Variants in IQUB observed in about 807,000 individuals in gnomAD.
IQUB encodes the protein IQ motif and ubiquitin domain containing, also known as IQ motif and ubiquitin-like domain-containing protein.
Under a neutral mutation model 86.4 loss-of-function variants are expected in IQUB, and 86 were observed. The observed-to-expected ratio is 1.00, with a 90% CI of 0.84 to 1.19. The LOEUF is 1.19. Among genes scored for constraint, IQUB ranks in the 50% most tolerant of loss-of-function variants. IQUB has a pLI of 0.00. For missense variants in IQUB, 946 were observed against 916.9 expected (o/e 1.03, Z -0.41); for synonymous variants, 289 against 304.5 (o/e 0.95, Z 0.53).
intron 11 of IQUB, 84 bp downstream of exon 11, chr7:123,461,273 C>T: frequency 1.5e-6 from 2 of 1,337,906 alleles, no homozygotes; most frequent in Non-Finnish European, 2.1e-6. Context: ...AACAATCACA[C>T]ACACACACAC....
chr7:123,496,554 T>A (rs965810474), intron 7 of IQUB, 142 bp downstream of exon 7: 2 of 551,882 alleles, frequency 3.6e-6, no homozygotes, highest in Non-Finnish European at 6.3e-6. Flanking sequence ...TAAAGTGGTA[T>A]TCATCTTTCA....
At chr7:123,484,109 A>G (rs962959283) in intron 7 of IQUB, among the ~76,000 whole-genome samples, 1 of 152,064 alleles carries the variant, frequency 6.6e-6, no homozygotes, top group Non-Finnish European at 1.5e-5. Context: ...AACACTTGCC[A>G]GTCATGTTCT....
At chr7:123,527,983 A>G (rs1584663859) in intron 1 of IQUB, among the ~76,000 whole-genome samples, 1 of 152,092 alleles carries the variant, frequency 6.6e-6, no homozygotes, top group African/African-American at 2.4e-5. Context: ...TGGGCGTAGG[A>G]CCCTCCGAGC....
At chr7:123,460,605 G>A (rs775079887) in intron 11 of IQUB, among the ~76,000 whole-genome samples, 4 of 151,884 alleles carry the variant, frequency 2.6e-5, no homozygotes, top group Non-Finnish European at 4.4e-5. Context: ...AGTGGCTAAT[G>A]TTGGGTAGCC....
chr7:123,454,747 G>A (rs531668573), intron 12 of IQUB, among the ~76,000 whole-genome samples: 1 of 152,128 alleles, frequency 6.6e-6, no homozygotes, highest in Non-Finnish European at 1.5e-5. Flanking sequence ...GGTTTGTCCT[G>A]TGTTTTCTTC....
At chr7:123,500,313 T>C (rs1562859723) in intron 6 of IQUB, among the ~76,000 whole-genome samples, 1 of 151,718 alleles carries the variant, frequency 6.6e-6, no homozygotes, top group Admixed American at 6.6e-5. Context: ...TTCTGTAACA[T>C]AACCACTAGA....
At chr7:123,459,957 G>A (rs1028062903) in intron 11 of IQUB, 5 of 151,942 alleles carry the variant, frequency 3.3e-5, no homozygotes, top group Non-Finnish European at 7.4e-5. Context: ...TGATACCAAA[G>A]TTTTCCAAAT....
intron 1 of IQUB, among the ~76,000 whole-genome samples, chr7:123,528,612 G>A (rs959510700): frequency 1.3e-5 from 2 of 152,066 alleles, no homozygotes; most frequent in Admixed American, 6.5e-5. Flanking sequence ...GAACAGAAAA[G>A]GGGTCCTGGT....
At chr7:123,498,627 G>A (rs1218737778) in intron 6 of IQUB, among the ~76,000 whole-genome samples, 4 of 152,194 alleles carry the variant, frequency 2.6e-5, no homozygotes, top group Non-Finnish European at 5.9e-5. Context: ...TAGCAAAGCA[G>A]TTTAGGGCTC....
chr7:123,472,602 A>G (rs1794580287), intron 8 of IQUB, among the ~76,000 whole-genome samples: 1 of 152,244 alleles, frequency 6.6e-6, no homozygotes, highest in African/African-American at 2.4e-5. Flanking sequence ...AGTTAGCCAG[A>G]TTAAAGGGAA....
At chr7:123,527,634 A>G (rs917486023) in intron 1 of IQUB, among the ~76,000 whole-genome samples, 1 of 152,194 alleles carries the variant, frequency 6.6e-6, no homozygotes, top group African/African-American at 2.4e-5. Flanking sequence ...CTCGGGGGTC[A>G]GGGGCCAGGG....
chr7:123,499,395 C>A (rs1208537078), intron 6 of IQUB, among the ~76,000 whole-genome samples: 1 of 152,114 alleles, frequency 6.6e-6, no homozygotes, highest in East Asian at 1.9e-4. Flanking sequence ...CAAGCATGTG[C>A]CTCAGCATCT....
intron 11 of IQUB, among the ~76,000 whole-genome samples, chr7:123,459,469 A>G (rs190772221): frequency 1.3e-5 from 2 of 152,062 alleles, no homozygotes; most frequent in East Asian, 3.9e-4. Context: ...GTCCCCAAGT[A>G]AGGAAGACTG....
Position 123,529,450 on chromosome 7 carries a change from T to C in IQUB, c.-5+5042A>G, listed in dbSNP as rs7783582. 7.1e-3 allele frequency among the ~76,000 whole-genome samples: 1,074 copies of C among 150,506 alleles called. 14 individuals are homozygous for C. The highest frequency in any genetic ancestry group is 0.025 in the African/African-American group (1,012 of 41,262). On this transcript the variant is annotated intron_variant, in intron 1 of 12. Transcript: ENST00000324698. ...CCACATGGTAGTCAACTGTTGTTCA[T>C]TGATGGACATTTAAGCTGTCTCTAG...
Position 123,461,556 on chromosome 7 carries a change from C to A in IQUB, c.1808G>T (p.Ser603Ile), listed in dbSNP as rs770250653. 11 of 1,611,376 alleles carry A rather than the reference C, an allele frequency of 6.8e-6. No individual in the cohort carries two copies. The South Asian group carries it at 1.1e-4, about 16-fold the overall frequency. ...TGTAGAAGGCAAATAAAGCTGGCAA[C>A]TGTGGCAAAAGTAAATCTTCTTATA... Reference protein sequence around the residue: ...KFYKKIYFCHSCQLYLPSTEF... With the variant: ...KFYKKIYFCHICQLYLPSTEF... The change falls in exon 11 of 13, where the codon AGT (serine) becomes ATT (isoleucine). Residue 603 changes from serine to isoleucine, a missense_variant. Coordinates refer to ENST00000324698, the MANE Select transcript of IQUB (RefSeq NM_178827.5).
intron 9 of IQUB, among the ~76,000 whole-genome samples, chr7:123,466,424 G>A (rs147700657): frequency 8.5e-5 from 13 of 152,076 alleles, no homozygotes; most frequent in South Asian, 4.1e-4. Flanking sequence ...ACTGCCCTCT[G>A]TAAGTATCAT....
At chr7:123,478,956 A>G (rs1434809166) in intron 8 of IQUB, among the ~76,000 whole-genome samples, 2 of 152,140 alleles carry the variant, frequency 1.3e-5, no homozygotes, top group African/African-American at 4.8e-5. Context: ...GCATGGAACT[A>G]TAGGGAGTTC....
At chr7:123,520,613 T>C (rs903838078) in intron 1 of IQUB, among the ~76,000 whole-genome samples, 1 of 152,114 alleles carries the variant, frequency 6.6e-6, no homozygotes. Context: ...TCAACTTATG[T>C]GGCTAGAGAG....
intron 1 of IQUB, among the ~76,000 whole-genome samples, chr7:123,527,960 T>C (rs189995366): frequency 1.0e-3 from 154 of 152,274 alleles, no homozygotes; most frequent in South Asian, 7.2e-3. Flanking sequence ...TGCTAGCAAT[T>C]AGCGAGACTC....
Sources: allele counts gnomAD v4.1 joint callset (sites outside exome capture counted in the v4.1 genomes callset), GRCh38; gene constraint gnomAD v4.1.1; transcripts MANE v1.5; gene names NCBI Gene and HGNC (gene_info 2026-07-23, HGNC 2026-07-21).